Variants in ZNF605 observed in about 807,000 individuals in gnomAD.
ZNF605 encodes zinc finger protein 605.
A neutral mutation model predicts 7.9 loss-of-function variants in ZNF605; 9 were observed. The ratio of observed to expected loss-of-function variants is 1.14; its 90% CI spans 0.68 to 1.98. ZNF605 has a LOEUF of 1.98. Ranked by LOEUF, ZNF605 falls within the 30% of genes most tolerant of loss-of-function variation. The pLI is 0.00. For synonymous variants in ZNF605, 255 were observed against 260.1 expected, an observed-to-expected ratio of 0.98 and a Z score of 0.19; for missense variants, 673 against 762.4, an observed-to-expected ratio of 0.88 and a Z score of 1.38.
Position 132,923,165 on chromosome 12 carries a change from A to C in ZNF605, c.*2208T>G, listed in dbSNP as rs1952218706. On this transcript the variant is annotated 3_prime_UTR_variant, in exon 5 of 5. Coordinates refer to ENST00000360187, the MANE Select transcript of ZNF605 (RefSeq NM_183238.4). ...TTATCGTCATCACACTTTACTTCTA[A>C]ATAAACTCCAAATACGTTATCATTA... 6.6e-6 allele frequency: 1 copy of C among 152,212 alleles called. No individual in the cohort carries two copies. The highest frequency in any genetic ancestry group is 1.5e-5 in the Non-Finnish European group (1 of 68,042). 9.4% of individuals were successfully genotyped at this position (152,212 alleles called of 1,614,324 possible). A position where few individuals can be genotyped will look rare whatever the true frequency, so the allele number is the denominator to read the frequency against.
intron 1 of ZNF605, among the ~76,000 whole-genome samples, chr12:132,950,728 T>G (rs952187439): frequency 6.6e-6 from 1 of 150,884 alleles, no homozygotes; most frequent in Non-Finnish European, 1.5e-5. Flanking sequence ...GATATGTACA[T>G]CACACAGACA....
intron 3 of ZNF605, among the ~76,000 whole-genome samples, chr12:132,935,228 C>T (rs1952352427): frequency 6.6e-6 from 1 of 151,978 alleles, no homozygotes; most frequent in African/African-American, 2.4e-5. Context: ...GCATAGGGGA[C>T]TAATAGGTTA....
intron 4 of ZNF605, among the ~76,000 whole-genome samples, chr12:132,930,574 C>T (rs1952298352): frequency 2.6e-5 from 4 of 152,110 alleles, no homozygotes; most frequent in Admixed American, 6.6e-5. Flanking sequence ...AATATAGTTC[C>T]TTTTGGTATC....
At position 132,925,231 on chromosome 12, in the gene ZNF605, C is replaced by T; in HGVS notation, c.*142G>A. On this transcript the variant is annotated 3_prime_UTR_variant, in exon 5 of 5. Transcript: ENST00000360187. ...TAAAAACTTCTCTTTCTAAATTCTGCTTAGTGACTCTTGACTCCTCAATTC... is the reference window on the plus strand; with the variant it reads ...TAAAAACTTCTCTTTCTAAATTCTGTTTAGTGACTCTTGACTCCTCAATTC... 1 of 581,162 alleles carries T rather than the reference C, an allele frequency of 1.7e-6. No homozygotes were observed. Among genetic ancestry groups the T allele is most frequent in the Non-Finnish European group, 2.9e-6 (1 of 348,190 alleles). 36.0% of individuals were successfully genotyped at this position (581,162 alleles called of 1,614,324 possible). A position where few individuals can be genotyped will look rare whatever the true frequency, so the allele number is the denominator to read the frequency against.
intron 4 of ZNF605, among the ~76,000 whole-genome samples, chr12:132,931,736 G>A (rs1952311075): frequency 6.6e-6 from 1 of 152,124 alleles, no homozygotes; most frequent in Non-Finnish European, 1.5e-5. Flanking sequence ...CAACAAAAAC[G>A]GAGATTAAAT....
chr12:132,939,284 C>G (rs1172495389), intron 3 of ZNF605, among the ~76,000 whole-genome samples: 1 of 152,190 alleles, frequency 6.6e-6, no homozygotes, highest in African/African-American at 2.4e-5. Context: ...CAATCAGCAC[C>G]CTGTGTTTAG....
chr12:132,935,293 A>G (rs897725191), intron 3 of ZNF605, among the ~76,000 whole-genome samples: 1 of 152,204 alleles, frequency 6.6e-6, no homozygotes, highest in East Asian at 1.9e-4. Flanking sequence ...GTCAATGAAA[A>G]AAAAATCAAA....
intron 4 of ZNF605, among the ~76,000 whole-genome samples, chr12:132,930,850 A>G (rs1952301240): frequency 6.6e-6 from 1 of 152,174 alleles, no homozygotes. Context: ...CTGTAACCCG[A>G]AATATTTCCC....
intron 2 of ZNF605, among the ~76,000 whole-genome samples, chr12:132,946,180 A>G (rs1316896183): frequency 6.6e-6 from 1 of 152,228 alleles, no homozygotes; most frequent in East Asian, 1.9e-4. Flanking sequence ...TGGCAGCAAT[A>G]CTTCCTGGAG....
At chr12:132,939,506 G>C (rs1593592316) in intron 3 of ZNF605, among the ~76,000 whole-genome samples, 1 of 152,032 alleles carries the variant, frequency 6.6e-6, no homozygotes, top group Admixed American at 6.6e-5. Context: ...GCTCTGGTGG[G>C]GCCTTGGAGA....
chr12:132,936,155 T>A (rs1952364600), intron 3 of ZNF605, among the ~76,000 whole-genome samples: 1 of 151,658 alleles, frequency 6.6e-6, no homozygotes, highest in African/African-American at 2.4e-5. Flanking sequence ...ATTTAATATA[T>A]TCAAAGAAAT....
At chr12:132,955,504 A>C (rs1172467859) in intron 1 of ZNF605, among the ~76,000 whole-genome samples, 1 of 152,206 alleles carries the variant, frequency 6.6e-6, no homozygotes, top group Non-Finnish European at 1.5e-5. Context: ...TGTGTGAACA[A>C]GGGGCATCCT....
intron 1 of ZNF605, among the ~76,000 whole-genome samples, chr12:132,951,602 CAG>C (rs1474562151): frequency 3.3e-5 from 5 of 150,690 alleles, no homozygotes; most frequent in Middle Eastern, 3.2e-3. Context: ...CACTCAGACA[CAG>C]ATACACACGT....
rs1185871329 is a variant in ZNF605, at chr12:132,924,191, T to C, written c.*1182A>G. On this transcript the variant is annotated 3_prime_UTR_variant, in exon 5 of 5. Transcript: ENST00000360187. ...TATAAGTCATATTTTATTGCTTCTTTGCATAACACATTAGTTTTTTTGGAT... is the reference window on the plus strand; with the variant it reads ...TATAAGTCATATTTTATTGCTTCTTCGCATAACACATTAGTTTTTTTGGAT... 9.9e-5 allele frequency: 15 copies of C among 152,242 alleles called. No individual in the cohort carries two copies. The allele number at this position is 152,242 out of a possible 1,614,324, so 9.4% of individuals were successfully genotyped here. A position where few individuals can be genotyped will look rare whatever the true frequency, so the allele number is the denominator to read the frequency against.
rs1186469886 is a variant in ZNF605, at chr12:132,951,806, TCA to T, written c.-285-3538_-285-3537del. Among the ~76,000 whole-genome samples the T allele has an allele frequency of 2.0e-3, 295 of 151,108 alleles. 1 individual carries two copies. Among genetic ancestry groups the T allele is most frequent in the African/African-American group, 6.1e-3 (250 of 41,090 alleles). On this transcript the variant is annotated intron_variant, in intron 1 of 4. Coordinates refer to ENST00000360187, the MANE Select transcript of ZNF605 (RefSeq NM_183238.4). ...CATTGATACACATGTACATCACACA[TCA>T]CACACATACACATACACCACACATA...
intron 1 of ZNF605, among the ~76,000 whole-genome samples, chr12:132,952,367 G>A (rs947834488): frequency 1.3e-5 from 2 of 150,990 alleles, no homozygotes; most frequent in African/African-American, 4.9e-5. Flanking sequence ...GCGTTGAGGC[G>A]GAAGAATCAC....
chr12:132,925,141 G>T lies in ZNF605; in HGVS notation c.*232C>A, dbSNP rs1210827333. ...ACACTAATAAGGTTTTCACCTCAAT[G>T]AGTCATCCAATATGTAACGAGTAGT... On this transcript the variant is annotated 3_prime_UTR_variant, in exon 5 of 5. Transcript: ENST00000360187. The T allele has an allele frequency of 1.5e-5, 6 of 411,888 alleles. No homozygotes were observed. In the South Asian group the frequency reaches 3.6e-4, roughly 25 times the overall value. 25.5% of individuals were successfully genotyped at this position (411,888 alleles called of 1,614,324 possible).
rs1259238716 is a variant in ZNF605, at chr12:132,921,409, C to A, written c.*3964G>T. 1 of 152,124 alleles carries A rather than the reference C, an allele frequency of 6.6e-6. No individual in the cohort carries two copies. Among genetic ancestry groups the A allele is most frequent in the Admixed American group, 6.6e-5 (1 of 15,262 alleles). The allele number at this position is 152,124 out of a possible 1,614,324, so 9.4% of individuals were successfully genotyped here. On this transcript the variant is annotated 3_prime_UTR_variant, in exon 5 of 5. Coordinates refer to ENST00000360187, the MANE Select transcript of ZNF605 (RefSeq NM_183238.4). ...TCTAAGGTAAGGAGAGTGAGAATGG[C>A]CTTTCCCCTTTAGTCTATGGCAAAA...
chr12:132,928,658 G>C (rs1437991363), intron 4 of ZNF605, among the ~76,000 whole-genome samples: 1 of 152,138 alleles, frequency 6.6e-6, no homozygotes, highest in African/African-American at 2.4e-5. Flanking sequence ...ACTAGCAATT[G>C]TGGGGTAATA....
Sources: allele counts gnomAD v4.1 joint callset (sites outside exome capture counted in the v4.1 genomes callset), GRCh38; gene constraint gnomAD v4.1.1; transcripts MANE v1.5; gene names NCBI Gene and HGNC (gene_info 2026-07-23, HGNC 2026-07-21).